The following LDB2 variants were observed in gnomAD, a reference collection of about 807,000 sequenced individuals.
The protein encoded by LDB2 is LIM domain-binding protein 2.
LDB2 carries 12 observed loss-of-function variants against 44.3 expected under a neutral mutation model. That is an observed-to-expected ratio of 0.27 (90% CI 0.17 to 0.44). The LOEUF (loss-of-function observed/expected upper bound fraction) is 0.44, where lower values mean the gene tolerates loss of function less well. Among genes scored for constraint, LDB2 ranks in the 20% least tolerant of loss-of-function variants. The probability of loss-of-function intolerance (pLI) is 1.00; values close to 1 mark genes in which losing one functional copy is unlikely to be tolerated. For synonymous variants in LDB2, 164 were observed against 174.8 expected (o/e 0.94, Z 0.49); for missense variants, 344 against 473.5 (o/e 0.73, Z 2.54).
Position 16,676,318 on chromosome 4 carries a change from A to G in LDB2, c.236-80443T>C, listed in dbSNP as rs185106419. 3.4e-3 allele frequency among the ~76,000 whole-genome samples: 520 copies of G among 152,378 alleles called. 9 individuals carry two copies. Among genetic ancestry groups the G allele is most frequent in the African/African-American group, 0.012 (486 of 41,596 alleles). On this transcript the variant is annotated intron_variant, in intron 2 of 7. Coordinates refer to ENST00000304523, the MANE Select transcript of LDB2 (RefSeq NM_001290.5). ...GATGTTGATGGAAAAAGAATAAGACAGCAAAGTATTCTGTCTCTGTGTCTA... is the reference window on the plus strand; with the variant it reads ...GATGTTGATGGAAAAAGAATAAGACGGCAAAGTATTCTGTCTCTGTGTCTA...
chr4:16,610,364 T>A (rs1725278217), intron 2 of LDB2, among the ~76,000 whole-genome samples: 1 of 152,004 alleles, frequency 6.6e-6, no homozygotes, highest in Non-Finnish European at 1.5e-5. Flanking sequence ...GAGGATCAGA[T>A]GGATGAATTG....
chr4:16,661,104 T>C (rs113058509), intron 2 of LDB2, among the ~76,000 whole-genome samples: 3 of 152,116 alleles, frequency 2.0e-5, no homozygotes, highest in Non-Finnish European at 2.9e-5. Context: ...TTCCCCCACC[T>C]CCCTACACTC....
At chr4:16,609,360 G>GGGGGGGGGGGA (rs1724963245) in intron 2 of LDB2, among the ~76,000 whole-genome samples, 1 of 138,238 alleles carries the variant, frequency 7.2e-6, no homozygotes, top group African/African-American at 2.7e-5. Context: ...GCGGGGGGGG[G>GGGGGGGGGGGA]AGGGGAAGGG....
At chr4:16,733,266 A>C (rs938445843) in intron 2 of LDB2, among the ~76,000 whole-genome samples, 1 of 152,072 alleles carries the variant, frequency 6.6e-6, no homozygotes, top group African/African-American at 2.4e-5. Context: ...GGTGAATTGG[A>C]GTCATTTAAA....
chr4:16,509,105 C>A (rs1248979126), intron 6 of LDB2, among the ~76,000 whole-genome samples: 1 of 152,122 alleles, frequency 6.6e-6, no homozygotes, highest in African/African-American at 2.4e-5. Flanking sequence ...GTAACTAACT[C>A]CAAGGTACGA....
chr4:16,785,554 G>A (rs1774239457), intron 1 of LDB2, among the ~76,000 whole-genome samples: 1 of 152,210 alleles, frequency 6.6e-6, no homozygotes, highest in Non-Finnish European at 1.5e-5. Context: ...CCGGGCAGCA[G>A]CCGCATCGGG....
chr4:16,559,020 A>G lies in LDB2; in HGVS notation c.615+26902T>C, dbSNP rs536146253. Among the ~76,000 whole-genome samples the G allele has an allele frequency of 2.1e-3, 326 of 152,296 alleles. 2 individuals carry two copies. Among genetic ancestry groups the G allele is most frequent in the Middle Eastern group, 3.4e-3 (1 of 294 alleles). On this transcript the variant is annotated intron_variant, in intron 5 of 7. Coordinates refer to ENST00000304523, the MANE Select transcript of LDB2 (RefSeq NM_001290.5). ...TTTACAGACAAGCAAATGCTGAGAG[A>G]TTTTGTCACCACCAGGCCTGCCCTA...
At chr4:16,662,636 GT>G (rs977233703) in intron 2 of LDB2, among the ~76,000 whole-genome samples, 16 of 146,942 alleles carry the variant, frequency 1.1e-4, no homozygotes, top group South Asian at 2.2e-4. Flanking sequence ...CGTGAGGCAA[GT>G]TTTTTTTTTT....
At chr4:16,678,759 G>T (rs1246514410) in intron 2 of LDB2, among the ~76,000 whole-genome samples, 1 of 152,148 alleles carries the variant, frequency 6.6e-6, no homozygotes, top group African/African-American at 2.4e-5. Context: ...CAGATGCAAG[G>T]TGTGTTACTC....
chr4:16,542,897 T>C (rs1734344648), intron 5 of LDB2, among the ~76,000 whole-genome samples: 2 of 151,258 alleles, frequency 1.3e-5, no homozygotes, highest in Admixed American at 6.6e-5. Flanking sequence ...TTATATTAGG[T>C]ATATCTCCTA....
Position 16,582,564 on chromosome 4 carries a change from C to T in LDB2, c.615+3358G>A, listed in dbSNP as rs908987325. 5.3e-5 allele frequency among the ~76,000 whole-genome samples: 8 copies of T among 152,176 alleles called. No individual in the cohort carries two copies. Among genetic ancestry groups the T allele is most frequent in the Non-Finnish European group, 7.3e-5 (5 of 68,042 alleles). ...CCCCATGTCATGGAACAGTTTTCCC[C>T]AGAACACTGAGGACATGCTTCGTGA... is the stretch of plus-strand genomic sequence containing the variant. On this transcript the variant is annotated intron_variant, in intron 5 of 7. Transcript: ENST00000304523. This position sits in a 1 kb window ranked among gnomAD's most constrained non-coding sequence, Gnocchi z 4.8.
intron 2 of LDB2, among the ~76,000 whole-genome samples, chr4:16,709,673 A>C (rs974650925): frequency 1.3e-5 from 2 of 152,214 alleles, no homozygotes; most frequent in Admixed American, 1.3e-4. Flanking sequence ...TTGCCAACGT[A>C]AAACATTTTA....
At chr4:16,728,013 A>G (rs1169519093) in intron 2 of LDB2, among the ~76,000 whole-genome samples, 1 of 152,200 alleles carries the variant, frequency 6.6e-6, no homozygotes, top group Non-Finnish European at 1.5e-5. Context: ...TCATCTTACT[A>G]CAATTTGCTG....
intron 1 of LDB2, among the ~76,000 whole-genome samples, chr4:16,827,281 G>A (rs1783233750): frequency 6.6e-6 from 1 of 152,182 alleles, no homozygotes; most frequent in South Asian, 2.1e-4. Flanking sequence ...GTCAGAATAA[G>A]AGGCAATTCA....
At chr4:16,895,274 G>A (rs1724642795) in intron 1 of LDB2, among the ~76,000 whole-genome samples, 1 of 152,040 alleles carries the variant, frequency 6.6e-6, no homozygotes, top group Non-Finnish European at 1.5e-5. Context: ...AAACTTCCCG[G>A]CTTCTGAAGA....
intron 2 of LDB2, among the ~76,000 whole-genome samples, chr4:16,634,113 C>G (rs760568558): frequency 1.4e-4 from 22 of 152,102 alleles, no homozygotes; most frequent in Non-Finnish European, 2.2e-4. Context: ...AAAACCAACT[C>G]AAGATGGATC....
At chr4:16,664,616 T>A (rs1742500690) in intron 2 of LDB2, among the ~76,000 whole-genome samples, 1 of 152,236 alleles carries the variant, frequency 6.6e-6, no homozygotes, top group Non-Finnish European at 1.5e-5. Flanking sequence ...GACCGTCCAA[T>A]AGCTTCATTA....
At chr4:16,812,222 G>A (rs1347066396) in intron 1 of LDB2, among the ~76,000 whole-genome samples, 1 of 152,134 alleles carries the variant, frequency 6.6e-6, no homozygotes, top group Non-Finnish European at 1.5e-5. Flanking sequence ...GTGACAGCCT[G>A]TCTGATCTTA....
chr4:16,774,959 T>C (rs1771580208), intron 1 of LDB2, among the ~76,000 whole-genome samples: 1 of 152,090 alleles, frequency 6.6e-6, no homozygotes. Context: ...CTAGAAGTAA[T>C]AAACGAAAGA....
Sources: allele counts gnomAD v4.1 joint callset (sites outside exome capture counted in the v4.1 genomes callset), GRCh38; gene constraint gnomAD v4.1.1; non-coding constraint Gnocchi (gnomAD v3.1); transcripts MANE v1.5; gene names NCBI Gene and HGNC (gene_info 2026-07-23, HGNC 2026-07-21).